The following ROBO1 variants were observed in gnomAD, a reference collection of about 807,000 sequenced individuals.
The protein encoded by ROBO1 is roundabout guidance receptor 1, also known as roundabout homolog 1.
In ROBO1, 149 loss-of-function variants were observed where a neutral mutation model predicts 195.9. The ratio of observed to expected loss-of-function variants is 0.76; its 90% CI spans 0.67 to 0.87. The LOEUF (loss-of-function observed/expected upper bound fraction) is 0.87, where lower values mean the gene tolerates loss of function less well. Among genes scored for constraint, ROBO1 ranks in the 40% least tolerant of loss-of-function variants. The pLI, the probability that ROBO1 is intolerant of heterozygous loss-of-function variation, is 0.00. For synonymous variants in ROBO1, 816 were observed against 733.2 expected (o/e 1.11, Z -1.82); for missense variants, 1,933 against 2,068.3 (o/e 0.93, Z 1.27).
intron 4 of ROBO1, among the ~76,000 whole-genome samples, chr3:78,814,790 T>C (rs187633784): frequency 2.0e-5 from 3 of 152,230 alleles, no homozygotes; most frequent in East Asian, 1.9e-4. Flanking sequence ...CATTTTATAG[T>C]GCTTCACTTT....
chr3:79,066,969 T>C (rs1303198159), intron 3 of ROBO1, among the ~76,000 whole-genome samples: 1 of 151,926 alleles, frequency 6.6e-6, no homozygotes, highest in Non-Finnish European at 1.5e-5. Flanking sequence ...TATAAAGTCT[T>C]CATGATTCCT....
At chr3:78,868,683 T>C (rs1475918125) in intron 4 of ROBO1, among the ~76,000 whole-genome samples, 1 of 152,114 alleles carries the variant, frequency 6.6e-6, no homozygotes, top group Non-Finnish European at 1.5e-5. Context: ...TTGAGCCTTA[T>C]ATAACACTGA....
At chr3:78,940,878 T>C (rs1253695532) in intron 3 of ROBO1, among the ~76,000 whole-genome samples, 2 of 152,032 alleles carry the variant, frequency 1.3e-5, no homozygotes, top group Non-Finnish European at 2.9e-5. Context: ...GTTGAATAAA[T>C]GACAAAAAAG....
intron 2 of ROBO1, among the ~76,000 whole-genome samples, chr3:79,337,320 C>A (rs940322755): frequency 1.3e-5 from 2 of 152,016 alleles, no homozygotes; most frequent in African/African-American, 4.8e-5. Flanking sequence ...TGTAATAATC[C>A]CCATGTGTCA....
chr3:79,017,791 C>CG, intron 3 of ROBO1, among the ~76,000 whole-genome samples: 1 of 152,098 alleles, frequency 6.6e-6, no homozygotes, highest in East Asian at 1.9e-4. Context: ...TGCTTGCAAC[C>CG]GCCTGTTTTC....
At chr3:78,771,128 T>C (rs1272906443) in intron 4 of ROBO1, among the ~76,000 whole-genome samples, 1 of 152,164 alleles carries the variant, frequency 6.6e-6, no homozygotes, top group Admixed American at 6.5e-5. Context: ...AGGTAGGGGT[T>C]CAGTTTCACA....
At chr3:79,728,273 C>A (rs1273951219) in intron 1 of ROBO1, among the ~76,000 whole-genome samples, 1 of 152,034 alleles carries the variant, frequency 6.6e-6, no homozygotes, top group African/African-American at 2.4e-5. Context: ...AAAGGTATCT[C>A]ACCTTTTGGT....
intron 2 of ROBO1, among the ~76,000 whole-genome samples, chr3:79,475,141 C>CTT (rs201895676): frequency 2.0e-5 from 3 of 151,224 alleles, no homozygotes; most frequent in South Asian, 2.1e-4. Flanking sequence ...AACTCAATTG[C>CTT]TTTTTTTTTA....
intron 4 of ROBO1, among the ~76,000 whole-genome samples, chr3:78,934,308 G>A (rs995353020): frequency 4.0e-5 from 6 of 151,790 alleles, no homozygotes; most frequent in Non-Finnish European, 5.9e-5. Context: ...TACAGTATAC[G>A]TGTACAAAAG....
chr3:79,449,779 A>G (rs2039383631), intron 2 of ROBO1, among the ~76,000 whole-genome samples: 2 of 152,212 alleles, frequency 1.3e-5, no homozygotes, highest in African/African-American at 4.8e-5. Flanking sequence ...AAAGTTTAAA[A>G]AAGTTTATGG....
intron 4 of ROBO1, among the ~76,000 whole-genome samples, chr3:78,859,383 T>A (rs1318926890): frequency 6.6e-6 from 1 of 152,124 alleles, no homozygotes; most frequent in Non-Finnish European, 1.5e-5. Context: ...GCATCCCAAA[T>A]CTGAAAATCC....
intron 1 of ROBO1, among the ~76,000 whole-genome samples, chr3:79,635,827 C>T (rs1215120706): frequency 6.6e-6 from 1 of 152,098 alleles, no homozygotes; most frequent in Non-Finnish European, 1.5e-5. Flanking sequence ...GTTAGATAAA[C>T]TGTTATCCCT....
At chr3:79,736,320 G>A (rs1703387102) in intron 1 of ROBO1, among the ~76,000 whole-genome samples, 2 of 152,148 alleles carry the variant, frequency 1.3e-5, no homozygotes, top group Admixed American at 6.5e-5. Context: ...TTTAGGGAAG[G>A]GCCAAATAAT....
At chr3:79,749,976 C>T (rs1181727614) in intron 1 of ROBO1, among the ~76,000 whole-genome samples, 1 of 152,192 alleles carries the variant, frequency 6.6e-6, no homozygotes, top group Non-Finnish European at 1.5e-5. Flanking sequence ...GATCCACCAA[C>T]AGCTTGTGCT....
intron 2 of ROBO1, among the ~76,000 whole-genome samples, chr3:79,217,136 G>A (rs2082069659): frequency 6.6e-6 from 1 of 151,984 alleles, no homozygotes; most frequent in Non-Finnish European, 1.5e-5. Context: ...GTTACAGTTT[G>A]TTTATTGCTT....
intron 2 of ROBO1, among the ~76,000 whole-genome samples, chr3:79,351,873 C>T (rs767424549): frequency 3.9e-5 from 6 of 152,002 alleles, no homozygotes; most frequent in East Asian, 1.9e-4. Context: ...CATGTCTGTA[C>T]GAGTTCCCAT....
intron 2 of ROBO1, among the ~76,000 whole-genome samples, chr3:79,516,993 A>C (rs1940975336): frequency 6.6e-6 from 1 of 152,122 alleles, no homozygotes. Context: ...CATCAGACAA[A>C]ATGTGTCATT....
chr3:79,300,637 C>T lies in ROBO1; in HGVS notation c.89-175098G>A, dbSNP rs536572395. Among the ~76,000 whole-genome samples the T allele has an allele frequency of 2.0e-5, 3 of 152,320 alleles. No individual in the cohort carries two copies. In the South Asian group the frequency reaches 6.2e-4, roughly 32 times the overall value. On this transcript the variant is annotated intron_variant, in intron 2 of 30. Transcript: ENST00000464233. ...GCAGTGGGACTGGCAGGCAGCTCCA[C>T]CTGCAGCCGGTGGGATCCACTGGGT...
chr3:79,012,356 C>A (rs1170071942), intron 3 of ROBO1, among the ~76,000 whole-genome samples: 1 of 152,150 alleles, frequency 6.6e-6, no homozygotes, highest in Non-Finnish European at 1.5e-5. Flanking sequence ...GTGCTTTTAA[C>A]GCTTCATTTA....
Sources: gnomAD v4.1 joint callset for allele counts (sites outside exome capture counted in the v4.1 genomes callset) on GRCh38, gnomAD v4.1.1 for gene constraint, MANE v1.5 for transcripts, NCBI Gene and HGNC (gene_info 2026-07-23, HGNC 2026-07-21) for gene names.